NALCN: variants seen among roughly 807,000 people sequenced by gnomAD.
The protein encoded by NALCN is sodium leak channel, non-selective.
A neutral mutation model predicts 225.3 loss-of-function variants in NALCN; 111 were observed. That is an observed-to-expected ratio of 0.49 (90% CI 0.42 to 0.58). The LOEUF is 0.58. Among genes scored for constraint, NALCN ranks in the 20% least tolerant of loss-of-function variants. NALCN has a pLI of 0.00. For missense variants in NALCN, 1,378 were observed against 2,202.4 expected (o/e 0.63, Z 7.49); for synonymous variants, 764 against 769.0 (o/e 0.99, Z 0.11).
chr13:101,265,389 AG>A (rs1180038513), intron 10 of NALCN, among the ~76,000 whole-genome samples: 5 of 152,256 alleles, frequency 3.3e-5, no homozygotes, highest in Non-Finnish European at 2.9e-5. Flanking sequence ...TGTGTCCAAA[AG>A]TGTAATGAGA....
At chr13:101,204,424 A>G (rs939910968) in intron 13 of NALCN, among the ~76,000 whole-genome samples, 4 of 152,226 alleles carry the variant, frequency 2.6e-5, no homozygotes, top group African/African-American at 9.6e-5. Context: ...TAAATGAATA[A>G]AGAGAGAGGA....
At chr13:101,120,594 A>G (rs2035929259) in intron 18 of NALCN, among the ~76,000 whole-genome samples, 1 of 152,172 alleles carries the variant, frequency 6.6e-6, no homozygotes, top group African/African-American at 2.4e-5. Flanking sequence ...CTGGTTAAAA[A>G]TCTGAAAGGC....
chr13:101,204,137 C>G (rs1458210447), intron 13 of NALCN, among the ~76,000 whole-genome samples: 1 of 152,122 alleles, frequency 6.6e-6, no homozygotes, highest in African/African-American at 2.4e-5. Flanking sequence ...ACATATCTCT[C>G]TATGTATGAA....
At chr13:101,373,752 A>G (rs1413740587) in intron 6 of NALCN, among the ~76,000 whole-genome samples, 2 of 152,166 alleles carry the variant, frequency 1.3e-5, no homozygotes, top group Non-Finnish European at 2.9e-5. Flanking sequence ...AGAAATACAC[A>G]AATTAATTTG....
At chr13:101,058,418 G>A in intron 42 of NALCN, 1 of 196,692 alleles carries the variant, frequency 5.1e-6, no homozygotes, top group Non-Finnish European at 1.0e-5. Flanking sequence ...GGGACGGGCT[G>A]GGCGGGGGCA....
chr13:101,195,817 A>C (rs2039868800), intron 13 of NALCN, among the ~76,000 whole-genome samples: 1 of 152,200 alleles, frequency 6.6e-6, no homozygotes, highest in Non-Finnish European at 1.5e-5. Context: ...GTGTGAGATG[A>C]AGGTATTACC....
chr13:101,132,379 T>A (rs1312174343), intron 17 of NALCN, among the ~76,000 whole-genome samples: 1 of 152,154 alleles, frequency 6.6e-6, no homozygotes, highest in Non-Finnish European at 1.5e-5. Flanking sequence ...GACACTGATG[T>A]GTATATATTT....
intron 36 of NALCN, 63 bp from the exon 37 acceptor site, chr13:101,073,740 T>C (rs1405475706): frequency 4.2e-6 from 6 of 1,429,500 alleles, no homozygotes; most frequent in Non-Finnish European, 5.8e-6. Context: ...TGAAATAGCA[T>C]GGTTTGCCAA....
chr13:101,173,800 C>T (rs1335347918), intron 15 of NALCN, among the ~76,000 whole-genome samples: 1 of 152,148 alleles, frequency 6.6e-6, no homozygotes, highest in Non-Finnish European at 1.5e-5. Context: ...ATCTTAAGGA[C>T]TGGATTTGTA....
At chr13:101,400,122 T>C (rs1212229847) in intron 1 of NALCN, among the ~76,000 whole-genome samples, 1 of 151,888 alleles carries the variant, frequency 6.6e-6, no homozygotes, top group Non-Finnish European at 1.5e-5. Context: ...CAATGATATT[T>C]TATTTGATCT....
intron 17 of NALCN, among the ~76,000 whole-genome samples, chr13:101,128,556 T>G (rs375107918): frequency 4.0e-5 from 6 of 150,114 alleles, no homozygotes; most frequent in African/African-American, 1.5e-4. Context: ...GAGTCTGGAT[T>G]TTTTTTTTTC....
intron 10 of NALCN, among the ~76,000 whole-genome samples, chr13:101,265,942 A>C (rs1356674715): frequency 6.6e-6 from 1 of 152,210 alleles, no homozygotes; most frequent in Non-Finnish European, 1.5e-5. Context: ...CCTAAATCTG[A>C]AAGCTGAAGA....
At chr13:101,190,285 CT>C (rs1459500082) in intron 14 of NALCN, among the ~76,000 whole-genome samples, 1 of 152,112 alleles carries the variant, frequency 6.6e-6, no homozygotes, top group Non-Finnish European at 1.5e-5. Flanking sequence ...GAAATCTATC[CT>C]GCATTTAACC....
At chr13:101,056,500 G>C (rs1437339682) in intron 43 of NALCN, among the ~76,000 whole-genome samples, 1 of 151,996 alleles carries the variant, frequency 6.6e-6, no homozygotes, top group East Asian at 1.9e-4. Context: ...GGCCTCAAAT[G>C]ATCCACCTGC....
chr13:101,104,977 C>A lies in NALCN; in HGVS notation c.2580-27G>T, dbSNP rs1032011805. 10 of 1,602,562 alleles carry A rather than the reference C, an allele frequency of 6.2e-6. No individual in the cohort carries two copies. The highest frequency in any genetic ancestry group is 8.5e-6 in the Non-Finnish European group (10 of 1,171,414). On this transcript the variant is annotated intron_variant, in intron 22 of 43. Transcript: ENST00000251127. The surrounding 1 kb of genome is among the most constrained non-coding windows in gnomAD (Gnocchi z 4.2). ...TGTAAGAGAACACATATATAAAATTCTGCAACAAAGCAAGCATGTTTTAAC... is the reference window on the plus strand; with the variant it reads ...TGTAAGAGAACACATATATAAAATTATGCAACAAAGCAAGCATGTTTTAAC...
At chr13:101,091,325 G>C (rs936607813) in intron 28 of NALCN, among the ~76,000 whole-genome samples, 3 of 152,156 alleles carry the variant, frequency 2.0e-5, no homozygotes, top group Admixed American at 6.5e-5. Flanking sequence ...CTCAGGACAG[G>C]CAACGCTCTA....
At chr13:101,146,021 A>G (rs2037329425) in intron 15 of NALCN, among the ~76,000 whole-genome samples, 1 of 152,138 alleles carries the variant, frequency 6.6e-6, no homozygotes, top group Admixed American at 6.5e-5. Context: ...TCCCTCCTAT[A>G]TGTGGAAATA....
At chr13:101,217,993 C>T (rs910718654) in intron 13 of NALCN, among the ~76,000 whole-genome samples, 3 of 152,074 alleles carry the variant, frequency 2.0e-5, no homozygotes, top group African/African-American at 7.2e-5. Context: ...TGGGTCTGAC[C>T]CAAGTAGTTG....
intron 10 of NALCN, among the ~76,000 whole-genome samples, chr13:101,282,413 C>G (rs1309869583): frequency 6.6e-6 from 1 of 152,138 alleles, no homozygotes; most frequent in African/African-American, 2.4e-5. Context: ...CACAGAAAGA[C>G]AAACACCGCA....
Sources: gnomAD v4.1 joint callset for allele counts (sites outside exome capture counted in the v4.1 genomes callset) on GRCh38, gnomAD v4.1.1 for gene constraint, Gnocchi (gnomAD v3.1) non-coding constraint, MANE v1.5 for transcripts, NCBI Gene and HGNC (gene_info 2026-07-23, HGNC 2026-07-21) for gene names.